Variants in STK4 observed in about 807,000 individuals in gnomAD.
STK4 encodes serine/threonine-protein kinase 4.
Under a neutral mutation model 64.9 loss-of-function variants are expected in STK4, and 30 were observed. That is an observed-to-expected ratio of 0.46 (90% CI 0.35 to 0.63). STK4 has a LOEUF of 0.63. Among genes scored for constraint, STK4 ranks in the 20% least tolerant of loss-of-function variants. The probability of loss-of-function intolerance (pLI) is 0.01; values close to 1 mark genes in which losing one functional copy is unlikely to be tolerated. For synonymous variants in STK4, 177 were observed against 199.0 expected (o/e 0.89, Z 0.93); for missense variants, 466 against 598.5 (o/e 0.78, Z 2.31).
In STK4 at chr20:44,970,831, G is replaced by A. The variant is rs114975343; in HGVS notation, c.36-1247G>A. On this transcript the variant is annotated intron_variant, in intron 1 of 10. Transcript: ENST00000372806. Reference sequence around the variant, plus strand: ...ACTTGATGTGGTCAGGGTTTTTGTTGGTTTGTTTTATTTTTTGTCTTCTAA... The same window carrying A: ...ACTTGATGTGGTCAGGGTTTTTGTTAGTTTGTTTTATTTTTTGTCTTCTAA... Among the ~76,000 whole-genome samples the A allele has an allele frequency of 3.0e-3, 458 of 150,776 alleles. 2 individuals are homozygous for A. Among genetic ancestry groups the A allele is most frequent in the African/African-American group, 0.011 (436 of 41,050 alleles).
intron 10 of STK4, among the ~76,000 whole-genome samples, chr20:45,047,715 T>C (rs1027155043): frequency 1.8e-4 from 28 of 152,234 alleles, no homozygotes; most frequent in African/African-American, 4.8e-5. Context: ...CTTGATCGAA[T>C]TGGATAAAGC....
At chr20:44,986,731 G>C (rs774177050) in intron 4 of STK4, among the ~76,000 whole-genome samples, 1 of 152,178 alleles carries the variant, frequency 6.6e-6, no homozygotes, top group African/African-American at 2.4e-5. Flanking sequence ...TGAAGATAGA[G>C]AAAAGTCAAG....
chr20:44,991,973 A>C (rs1024997225), intron 5 of STK4, among the ~76,000 whole-genome samples: 5 of 152,134 alleles, frequency 3.3e-5, no homozygotes, highest in African/African-American at 1.2e-4. Context: ...TGAGTGTTGC[A>C]TCTTTTAAAT....
At chr20:44,987,017 C>G in intron 4 of STK4, 115 bp from the exon 5 acceptor site, 1 of 823,124 alleles carries the variant, frequency 1.2e-6, no homozygotes, top group Non-Finnish European at 1.8e-6. Context: ...AAATGCTGTT[C>G]ACAGGTTGAA....
chr20:45,025,668 A>G (rs2068331928), intron 10 of STK4, among the ~76,000 whole-genome samples: 1 of 152,184 alleles, frequency 6.6e-6, no homozygotes, highest in South Asian at 2.1e-4. Flanking sequence ...ATTAATGTTC[A>G]TAGGCATTTA....
intron 10 of STK4, among the ~76,000 whole-genome samples, chr20:45,063,216 C>A (rs1979253611): frequency 6.6e-6 from 1 of 150,534 alleles, no homozygotes; most frequent in African/African-American, 2.4e-5. Flanking sequence ...CCATGTTTCC[C>A]AGGCTGGTCT....
At chr20:44,990,178 CTG>C (rs1236710669) in intron 5 of STK4, among the ~76,000 whole-genome samples, 1 of 152,186 alleles carries the variant, frequency 6.6e-6, no homozygotes, top group Non-Finnish European at 1.5e-5. Context: ...TGAATATAAG[CTG>C]TCTTTCCATT....
In STK4 at chr20:45,063,969, GGC is replaced by G. The variant is rs574676827; in HGVS notation, c.1306-11048_1306-11047del. On this transcript the variant is annotated intron_variant, in intron 10 of 10. Transcript: ENST00000372806. ...AATACAGGCGCCCGCCACTATGCCC[GGC>G]TAATTTTTTGTATGTTTTAGGAGAG... 1.4e-4 allele frequency among the ~76,000 whole-genome samples: 21 copies of G among 152,142 alleles called. No individual in the cohort carries two copies. In the South Asian group the frequency reaches 4.2e-3, roughly 30 times the overall value.
In STK4 at chr20:44,972,157, G is replaced by T. The variant is rs1461522494; in HGVS notation, c.115G>T (p.Gly39Trp). 6.2e-7 allele frequency: 1 copy of T among 1,613,402 alleles called. No homozygotes were observed. The highest frequency in any genetic ancestry group is 8.5e-7 in the Non-Finnish European group (1 of 1,179,774). Residue 39 changes from glycine to tryptophan, a missense_variant and splice_region_variant, in exon 2 of 11, where the codon GGG (glycine) becomes TGG (tryptophan). Gly to Trp is a radical substitution (Grantham distance 184). Transcript: ENST00000372806. Reference sequence around the variant, plus strand: ...TGATGTCTTAGAGAAACTTGGAGAAGGGTGAGTGTAAAGAAACTATAGGTA... The same window carrying T: ...TGATGTCTTAGAGAAACTTGGAGAATGGTGAGTGTAAAGAAACTATAGGTA... ...VFDVLEKLGE[G>W]SYGSVYKAIH...
At chr20:44,993,081 T>C (rs1178014915) in intron 5 of STK4, among the ~76,000 whole-genome samples, 3 of 152,264 alleles carry the variant, frequency 2.0e-5, no homozygotes, top group African/African-American at 7.2e-5. Context: ...TTGGTGAAAG[T>C]ATAAGGTAGG....
In STK4 at chr20:45,076,535, C is replaced by G. The variant is rs2145494633; in HGVS notation, c.*1359C>G. ...CTTGGCTCTTCAGTAGATGACCTGG[C>G]TGTAAAGAGATTCCCTGGACGAGCC... On this transcript the variant is annotated 3_prime_UTR_variant, in exon 11 of 11. Transcript: ENST00000372806. This position sits in a 1 kb window ranked among gnomAD's most constrained non-coding sequence, Gnocchi z 4.0. 3 of 152,340 alleles carry G rather than the reference C, an allele frequency of 2.0e-5. No individual in the cohort carries two copies. The Middle Eastern group carries it at 0.01, about 518-fold the overall frequency. 9.4% of individuals were successfully genotyped at this position (152,340 alleles called of 1,614,324 possible).
chr20:44,973,025 GTGTT>G (rs1484567629), intron 2 of STK4: 1 of 151,902 alleles, frequency 6.6e-6, no homozygotes, highest in Admixed American at 6.6e-5. Context: ...GCGCACACTC[GTGTT>G]TGTGTGTGTG....
chr20:45,001,471 G>GGA, intron 9 of STK4, 118 bp downstream of exon 9: 2 of 1,271,432 alleles, frequency 1.6e-6, no homozygotes, highest in Non-Finnish European at 2.1e-6. Flanking sequence ...CACAACCAAA[G>GGA]GAGTAGAAAA....
chr20:45,005,470 C>G (rs138417916), intron 9 of STK4, among the ~76,000 whole-genome samples: 1 of 151,652 alleles, frequency 6.6e-6, no homozygotes, highest in Admixed American at 6.6e-5. Flanking sequence ...ATGGTGAAAC[C>G]CCGTCTCTAC....
chr20:44,978,781 G>GTT (rs377295791), intron 3 of STK4, among the ~76,000 whole-genome samples: 1,936 of 124,934 alleles, frequency 0.015, 31 homozygotes, highest in African/African-American at 0.047. Flanking sequence ...ATGGTGTTTT[G>GTT]TTTTTTTTTT....
chr20:45,011,727 A>T (rs1311471350), intron 9 of STK4, among the ~76,000 whole-genome samples: 199 of 107,330 alleles, frequency 1.9e-3, no homozygotes, highest in African/African-American at 7.4e-3. Context: ...ATATATATAT[A>T]TATTTTTTTT....
intron 9 of STK4, among the ~76,000 whole-genome samples, chr20:45,010,182 T>C (rs1378538807): frequency 6.6e-6 from 1 of 152,040 alleles, no homozygotes; most frequent in African/African-American, 2.4e-5. Context: ...AATTCTCCTG[T>C]CTCAGCCTCC....
At chr20:45,023,464 C>T (rs1013282937) in intron 9 of STK4, among the ~76,000 whole-genome samples, 2 of 152,150 alleles carry the variant, frequency 1.3e-5, no homozygotes, top group Non-Finnish European at 2.9e-5. Flanking sequence ...GATACCTTCT[C>T]ATCTACTTCT....
intron 9 of STK4, among the ~76,000 whole-genome samples, chr20:45,010,617 G>A (rs764948249): frequency 1.3e-5 from 2 of 152,160 alleles, no homozygotes; most frequent in Non-Finnish European, 2.9e-5. Context: ...GAGTAATAGA[G>A]AAGCCAAGAT....
Sources: allele counts gnomAD v4.1 joint callset (sites outside exome capture counted in the v4.1 genomes callset), GRCh38; gene constraint gnomAD v4.1.1; non-coding constraint Gnocchi (gnomAD v3.1); transcripts MANE v1.5; gene names NCBI Gene and HGNC (gene_info 2026-07-23, HGNC 2026-07-21).